The following RTN4RL1 variants were observed in gnomAD, a reference collection of about 807,000 sequenced individuals.
RTN4RL1 encodes reticulon-4 receptor-like 1.
In RTN4RL1, 7 loss-of-function variants were observed where a neutral mutation model predicts 25.6. The observed-to-expected ratio is 0.27, with a 90% confidence interval of 0.16 to 0.51. RTN4RL1 has a LOEUF of 0.51. RTN4RL1 is among the 20% of genes least tolerant of loss of function. The pLI is 0.97. For missense variants in RTN4RL1, 500 were observed against 615.6 expected, an observed-to-expected ratio of 0.81 and a Z score of 1.99; for synonymous variants, 297 against 288.2, an observed-to-expected ratio of 1.03 and a Z score of -0.31.
rs147502865 is a variant in RTN4RL1, at chr17:1,938,223, G to T, written c.14-415C>A. Among the ~76,000 whole-genome samples the T allele has an allele frequency of 6.5e-3, 989 of 152,294 alleles. 10 individuals are homozygous for T. Among genetic ancestry groups the T allele is most frequent in the Non-Finnish European group, 0.011 (757 of 68,034 alleles). On this transcript the variant is annotated intron_variant, in intron 1 of 1. Coordinates refer to ENST00000331238, the MANE Select transcript of RTN4RL1 (RefSeq NM_178568.4). ...TTGTTATCTGTGCTCACGGATATTG[G>T]GAAGGACTCTTGCTCTAATGTAGTA...
intron 1 of RTN4RL1, among the ~76,000 whole-genome samples, chr17:1,968,027 C>T (rs142635087): frequency 1.8e-4 from 27 of 152,254 alleles, no homozygotes; most frequent in Non-Finnish European, 3.5e-4. Context: ...AACGCCCACC[C>T]GGGACCACTC....
At chr17:1,986,855 C>A (rs1476694319) in intron 1 of RTN4RL1, among the ~76,000 whole-genome samples, 1 of 152,144 alleles carries the variant, frequency 6.6e-6, no homozygotes, top group African/African-American at 2.4e-5. Flanking sequence ...GCTCTGCCCA[C>A]CACATGACAC....
At chr17:1,980,011 T>C (rs956551266) in intron 1 of RTN4RL1, among the ~76,000 whole-genome samples, 1 of 151,810 alleles carries the variant, frequency 6.6e-6, no homozygotes, top group Non-Finnish European at 1.5e-5. Context: ...GGCCTGGGGG[T>C]GTCTTAAAAT....
At chr17:1,986,902 G>A (rs1199641929) in intron 1 of RTN4RL1, among the ~76,000 whole-genome samples, 3 of 152,038 alleles carry the variant, frequency 2.0e-5, no homozygotes, top group African/African-American at 7.2e-5. Flanking sequence ...TTCCAGGCTT[G>A]GCTCTGCTGC....
intron 1 of RTN4RL1, among the ~76,000 whole-genome samples, chr17:2,015,890 G>A (rs145983497): frequency 2.0e-5 from 3 of 152,234 alleles, no homozygotes; most frequent in South Asian, 2.1e-4. Context: ...AACAGGCAAC[G>A]CTCAGCACAC....
intron 1 of RTN4RL1, among the ~76,000 whole-genome samples, chr17:1,959,481 ATC>A (rs1915854656): frequency 6.6e-6 from 1 of 151,926 alleles, no homozygotes. Flanking sequence ...ATACACCTAA[ATC>A]CCCAGAGCTC....
intron 1 of RTN4RL1, among the ~76,000 whole-genome samples, chr17:1,958,656 T>A (rs116148511): frequency 1.3e-5 from 2 of 152,138 alleles, no homozygotes; most frequent in Non-Finnish European, 2.9e-5. Context: ...TTGAAAGAGG[T>A]TGCTAAAGAA....
At chr17:1,938,805 C>T (rs552241070) in intron 1 of RTN4RL1, among the ~76,000 whole-genome samples, 2 of 151,560 alleles carry the variant, frequency 1.3e-5, no homozygotes, top group African/African-American at 4.8e-5. Context: ...AATCCCAACA[C>T]TTTGGGAAGC....
At chr17:1,968,590 G>C (rs1164442770) in intron 1 of RTN4RL1, among the ~76,000 whole-genome samples, 2 of 152,180 alleles carry the variant, frequency 1.3e-5, no homozygotes, top group Non-Finnish European at 2.9e-5. Context: ...GGAGCTCAGC[G>C]CACTCAGGAG....
intron 1 of RTN4RL1, among the ~76,000 whole-genome samples, chr17:1,983,855 C>T (rs932126653): frequency 6.6e-6 from 1 of 152,100 alleles, no homozygotes; most frequent in African/African-American, 2.4e-5. Context: ...AACCTAACTC[C>T]GTACTCATGA....
At chr17:1,955,181 G>A (rs923288517) in intron 1 of RTN4RL1, among the ~76,000 whole-genome samples, 4 of 152,140 alleles carry the variant, frequency 2.6e-5, no homozygotes, top group African/African-American at 9.7e-5. Context: ...ATTTAGCATA[G>A]GCCTTGTGTG....
chr17:1,971,545 C>T (rs181539960), intron 1 of RTN4RL1, among the ~76,000 whole-genome samples: 214 of 152,284 alleles, frequency 1.4e-3, no homozygotes, highest in African/African-American at 4.9e-3. Context: ...AAGCCACGTA[C>T]TTGGCTGGGC....
At position 1,949,059 on chromosome 17, in the gene RTN4RL1, G is replaced by C. The variant is rs994807188; in HGVS notation, c.14-11251C>G. Among the ~76,000 whole-genome samples the C allele has an allele frequency of 1.1e-3, 174 of 151,728 alleles. 1 individual carries two copies. Among genetic ancestry groups the C allele is most frequent in the African/African-American group, 4.1e-3 (169 of 41,398 alleles). On this transcript the variant is annotated intron_variant, in intron 1 of 1. Coordinates refer to ENST00000331238, the MANE Select transcript of RTN4RL1 (RefSeq NM_178568.4). The stretch of plus-strand genomic sequence containing the variant: ...GCAAGCTCCGCCTCCCGGGTTCAAG[G>C]CATTCTTCTGCCTCAGCCTCCAGAG...
At chr17:1,992,255 T>C (rs181006385) in intron 1 of RTN4RL1, among the ~76,000 whole-genome samples, 8 of 150,740 alleles carry the variant, frequency 5.3e-5, no homozygotes, top group Non-Finnish European at 1.0e-4. Context: ...TCCCAGCTAC[T>C]TGGGGGGGCA....
intron 1 of RTN4RL1, among the ~76,000 whole-genome samples, chr17:1,967,799 A>G (rs1031998569): frequency 2.0e-5 from 3 of 151,996 alleles, no homozygotes; most frequent in African/African-American, 7.3e-5. Flanking sequence ...GCCACCACGC[A>G]TGGATAATTT....
At chr17:1,976,746 A>G (rs1295107810) in intron 1 of RTN4RL1, among the ~76,000 whole-genome samples, 1 of 152,206 alleles carries the variant, frequency 6.6e-6, no homozygotes, top group Middle Eastern at 3.2e-3. Flanking sequence ...GCAGGGAGCC[A>G]GGGGTGACAC....
intron 1 of RTN4RL1, among the ~76,000 whole-genome samples, chr17:1,982,338 C>T (rs955531397): frequency 1.1e-4 from 16 of 151,500 alleles, no homozygotes; most frequent in Non-Finnish European, 2.2e-4. Flanking sequence ...GGAAGCCGGG[C>T]GAGGTGCCTC....
At position 1,936,890 on chromosome 17, in the gene RTN4RL1, T is replaced by C. The variant is rs755191284; in HGVS notation, c.932A>G (p.His311Arg). 6.2e-7 allele frequency: 1 copy of C among 1,606,112 alleles called. No individual in the cohort carries two copies. The highest frequency in any genetic ancestry group is 8.5e-7 in the Non-Finnish European group (1 of 1,176,528). The stretch of plus-strand genomic sequence containing the variant: ...GGTGAGCGTGTGTGACTTGATCTGG[T>C]GCGGGGACGCTGGTCCCGTGCAGTT... The part of the protein sequence containing the change: ...FRNCTGPASP[H>R]QIKSHTLTTT... Residue 311 changes from histidine (H) to arginine (R), a missense_variant, in exon 2 of 2, where the codon CAC becomes CGC. His to Arg is a conservative substitution (Grantham distance 29). This residue lies in a region of RTN4RL1 where 268 missense variants were observed against 274.5 expected (regional missense o/e 0.98). Coordinates refer to ENST00000331238, the MANE Select transcript of RTN4RL1 (RefSeq NM_178568.4).
At chr17:1,961,653 C>T (rs964933849) in intron 1 of RTN4RL1, among the ~76,000 whole-genome samples, 7 of 151,762 alleles carry the variant, frequency 4.6e-5, no homozygotes, top group South Asian at 2.1e-4. Context: ...CGGGGCCAGG[C>T]GCGGTGGCTC....
Sources: allele counts gnomAD v4.1 joint callset (sites outside exome capture counted in the v4.1 genomes callset), GRCh38; gene constraint gnomAD v4.1.1; regional missense constraint gnomAD v4.1.1; transcripts MANE v1.5; gene names NCBI Gene and HGNC (gene_info 2026-07-23, HGNC 2026-07-21).